SLA2: variants seen among roughly 807,000 people sequenced by gnomAD.
SLA2 encodes the protein Src like adaptor 2, also known as src-like-adapter 2.
Under a neutral mutation model 27.3 loss-of-function variants are expected in SLA2, and 22 were observed. That is an observed-to-expected ratio of 0.81 (90% CI 0.58 to 1.15). The LOEUF is 1.15. Ranked by LOEUF, SLA2 falls within the 50% of genes most tolerant of loss-of-function variation. SLA2 has a pLI of 0.00. For missense variants in SLA2, 304 were observed against 322.2 expected (o/e 0.94, Z 0.43); for synonymous variants, 131 against 137.8 (o/e 0.95, Z 0.34).
chr20:36,640,278 G>C (rs2039493197), intron 2 of SLA2, among the ~76,000 whole-genome samples: 1 of 152,096 alleles, frequency 6.6e-6, no homozygotes. Context: ...CAGCCTGGGA[G>C]ACAGAGCAAA....
At chr20:36,632,934 T>C (rs2039407100) in intron 4 of SLA2, among the ~76,000 whole-genome samples, 2 of 152,082 alleles carry the variant, frequency 1.3e-5, no homozygotes, top group Non-Finnish European at 2.9e-5. Context: ...GCCTCAGCTT[T>C]CTCTGCCTGG....
At chr20:36,622,992 G>C (rs571158044) in intron 5 of SLA2, among the ~76,000 whole-genome samples, 1 of 152,320 alleles carries the variant, frequency 6.6e-6, no homozygotes, top group Non-Finnish European at 1.5e-5. Flanking sequence ...GCTAAGGCTA[G>C]GTGCGGTGGC....
chr20:36,613,784 C>A lies in SLA2; in HGVS notation c.*82G>T. 8.2e-7 allele frequency: 1 copy of A among 1,212,844 alleles called. No homozygotes were observed. The highest frequency in any genetic ancestry group is 1.1e-6 in the Non-Finnish European group (1 of 883,494). 75.1% of individuals were successfully genotyped at this position (1,212,844 alleles called of 1,614,324 possible). A position where few individuals can be genotyped will look rare whatever the true frequency, so the allele number is the denominator to read the frequency against. ...CCACCCTCCCTCCCTGAGTGCACAG[C>A]CTTGCCTCTGGGGTGCCCAGGAGGC... is the stretch of plus-strand genomic sequence containing the variant. On this transcript the variant is annotated 3_prime_UTR_variant, in exon 8 of 8. Coordinates refer to ENST00000262866, the MANE Select transcript of SLA2 (RefSeq NM_032214.4).
intron 5 of SLA2, among the ~76,000 whole-genome samples, chr20:36,628,844 C>T (rs748207951): frequency 2.7e-4 from 41 of 152,058 alleles, no homozygotes; most frequent in Non-Finnish European, 2.9e-5. Context: ...GTGTGAGACA[C>T]TGCACCTGGC....
Position 36,614,402 on chromosome 20 carries a change from G to T in SLA2, c.568C>A (p.Pro190Thr). The change falls in exon 7 of 8, where the codon CCC becomes ACC. Residue 190 changes from proline to threonine, a missense_variant. By Grantham distance (38) the Pro-to-Thr change is conservative. Transcript: ENST00000262866. ...GGGCCAGCCCTCTGCAGGACACAGG[G>T]CTCCTTGAGTAGGCAGCAGATGTCA... ...ADDICCLLKE[P>T]CVLQRAGPLP... The T allele has an allele frequency of 6.2e-7, 1 of 1,613,026 alleles. No individual in the cohort carries two copies. The highest frequency in any genetic ancestry group is 1.3e-5 in the African/African-American group (1 of 74,990).
In SLA2 at chr20:36,646,026, T is replaced by A. The variant is rs1978287816; in HGVS notation, c.-233A>T. The A allele has an allele frequency of 6.6e-6, 1 of 152,396 alleles. No homozygotes were observed. Among genetic ancestry groups the A allele is most frequent in the Non-Finnish European group, 1.5e-5 (1 of 68,198 alleles). 9.4% of individuals were successfully genotyped at this position (152,396 alleles called of 1,614,324 possible). On this transcript the variant is annotated 5_prime_UTR_variant, in exon 1 of 8. Transcript: ENST00000262866. ...TGGTTTGGGTAGCTCAGCATCTGTCTGCAGTCAGCAGTTTGTACACCAGGG... is the reference window on the plus strand; with the variant it reads ...TGGTTTGGGTAGCTCAGCATCTGTCAGCAGTCAGCAGTTTGTACACCAGGG...
Position 36,634,516 on chromosome 20 carries a change from G to A in SLA2, c.165C>T (p.Leu55=), listed in dbSNP as rs777569885. The stretch of plus-strand genomic sequence containing the variant: ...CAGAGACGATGGTCAATGGCTCCCC[G>A]AGTCTCAGCGACAGCTCGGCCGGGC... ...AGGPAELSLR[L]GEPLTIVSED... The change falls in exon 3 of 8, where the codon CTC becomes CTT. Residue 55 remains leucine (L), a synonymous_variant. Coordinates refer to ENST00000262866, the MANE Select transcript of SLA2 (RefSeq NM_032214.4). The A allele has an allele frequency of 4.3e-6, 7 of 1,611,036 alleles. No individual in the cohort carries two copies. Among genetic ancestry groups the A allele is most frequent in the South Asian group, 2.2e-5 (2 of 90,538 alleles).
chr20:36,614,128 TC>T, intron 7 of SLA2, 142 bp from the exon 8 acceptor site: 1 of 1,469,398 alleles, frequency 6.8e-7, no homozygotes, highest in Non-Finnish European at 9.3e-7. Flanking sequence ...CAGATCAGCT[TC>T]CCCAGCCCCA....
chr20:36,636,008 G>A (rs993464620), intron 2 of SLA2, among the ~76,000 whole-genome samples: 3 of 152,078 alleles, frequency 2.0e-5, no homozygotes, highest in East Asian at 1.9e-4. Context: ...AGTTGGTTAC[G>A]GGTTTAGCAC....
chr20:36,641,449 G>C (rs1600834735), intron 1 of SLA2, 71 bp from the exon 2 acceptor site: 1 of 838,854 alleles, frequency 1.2e-6, no homozygotes, highest in Non-Finnish European at 1.9e-6. Context: ...TCCCTCCCCA[G>C]ATCGGCCCTG....
chr20:36,620,686 C>T (rs1049614283), intron 5 of SLA2, among the ~76,000 whole-genome samples: 1 of 150,822 alleles, frequency 6.6e-6, no homozygotes, highest in African/African-American at 2.4e-5. Context: ...TCTCCTGCCT[C>T]AGCCTCCTGA....
At chr20:36,633,730 G>A in intron 3 of SLA2, 101 bp from the exon 4 acceptor site, 2 of 929,360 alleles carry the variant, frequency 2.2e-6, no homozygotes, top group Non-Finnish European at 3.4e-6. Flanking sequence ...TGGATCCTGT[G>A]GCCACCTGTC....
chr20:36,623,785 C>T (rs545868285), intron 5 of SLA2, among the ~76,000 whole-genome samples: 5 of 152,130 alleles, frequency 3.3e-5, no homozygotes, highest in Admixed American at 2.6e-4. Context: ...TGCACCACCA[C>T]GCCTGGCCTG....
chr20:36,613,763 CCTCCCTCCCTGAG>C lies in SLA2; in HGVS notation c.*90_*102del. On this transcript the variant is annotated 3_prime_UTR_variant, in exon 8 of 8. Transcript: ENST00000262866. ...CCCTAGATGCACCTCTGTGTCCCAC[CCTCCCTCCCTGAG>C]TGCACAGCCTTGCCTCTGGGGTGCC... 1 of 527,686 alleles carries C rather than the reference CCTCCCTCCCTGAG, an allele frequency of 1.9e-6. No individual in the cohort carries two copies. Among genetic ancestry groups the C allele is most frequent in the Non-Finnish European group, 3.4e-6 (1 of 289,970 alleles). 32.7% of individuals were successfully genotyped at this position (527,686 alleles called of 1,614,324 possible).
At chr20:36,642,206 G>C (rs1000888147) in intron 1 of SLA2, among the ~76,000 whole-genome samples, 1 of 22,048 alleles carries the variant, frequency 4.5e-5, no homozygotes, top group Non-Finnish European at 9.2e-5. Context: ...AAGGACCGTG[G>C]GTTGTATGAT....
At chr20:36,616,999 G>A (rs568673017) in intron 5 of SLA2, among the ~76,000 whole-genome samples, 90 of 152,064 alleles carry the variant, frequency 5.9e-4, no homozygotes, top group African/African-American at 2.1e-3. Context: ...GCAGTGAGCC[G>A]AGATTGTGCC....
At chr20:36,623,820 T>C (rs2039309641) in intron 5 of SLA2, among the ~76,000 whole-genome samples, 1 of 152,040 alleles carries the variant, frequency 6.6e-6, no homozygotes. Context: ...GAGAAGAGTC[T>C]CTTCTTGAGC....
chr20:36,615,427 C>T lies in SLA2; in HGVS notation c.383-53G>A, dbSNP rs530848654. On this transcript the variant is annotated intron_variant, in intron 5 of 7. Transcript: ENST00000262866. ...ACTGAGGCCCTGCTGGGACTCGGCCCCACCTAGGCTGGGAAACGAAGATAG... is the reference window on the plus strand; with the variant it reads ...ACTGAGGCCCTGCTGGGACTCGGCCTCACCTAGGCTGGGAAACGAAGATAG... 1.6e-5 allele frequency: 25 copies of T among 1,605,792 alleles called. No individual in the cohort carries two copies. The African/African-American group carries it at 2.7e-4, about 17-fold the overall frequency.
rs894981768 is a variant in SLA2, at chr20:36,612,691, CTCTT to C, written c.*1171_*1174del. 1.2e-4 allele frequency: 25 copies of C among 216,670 alleles called. No homozygotes were observed. The highest frequency in any genetic ancestry group is 5.7e-4 in the African/African-American group (25 of 43,814). The allele number at this position is 216,670 out of a possible 1,614,324, so 13.4% of individuals were successfully genotyped here. ...TGATCCCTTAGCGGATCCAGCAGACCTCTTTCTGTTTATGGAGGCAGCAGGGAAA... is the reference window on the plus strand; with the variant it reads ...TGATCCCTTAGCGGATCCAGCAGACCTCTGTTTATGGAGGCAGCAGGGAAA... On this transcript the variant is annotated 3_prime_UTR_variant, in exon 8 of 8. Transcript: ENST00000262866.
Sources: gnomAD v4.1 joint callset for allele counts (sites outside exome capture counted in the v4.1 genomes callset) on GRCh38, gnomAD v4.1.1 for gene constraint, MANE v1.5 for transcripts, NCBI Gene and HGNC (gene_info 2026-07-23, HGNC 2026-07-21) for gene names.